NELFCD: variants seen among roughly 807,000 people sequenced by gnomAD.
The protein encoded by NELFCD is negative elongation factor complex member C/D.
In NELFCD, 48 loss-of-function variants were observed where a neutral mutation model predicts 72.9. The ratio of observed to expected loss-of-function variants is 0.66; its 90% CI spans 0.52 to 0.84. The LOEUF (loss-of-function observed/expected upper bound fraction) is 0.84, where lower values mean the gene tolerates loss of function less well. Among genes scored for constraint, NELFCD ranks in the 40% least tolerant of loss-of-function variants. NELFCD has a pLI of 0.00. For missense variants in NELFCD, 538 were observed against 723.8 expected, an observed-to-expected ratio of 0.74 and a Z score of 2.94; for synonymous variants, 297 against 280.6, an observed-to-expected ratio of 1.06 and a Z score of -0.59.
chr20:58,989,047 G>A lies in NELFCD; in HGVS notation c.504+26G>A, dbSNP rs1043950586. 1.1e-5 allele frequency: 16 copies of A among 1,517,456 alleles called. No homozygotes were observed. The East Asian group carries it at 1.1e-4, about 11-fold the overall frequency. 94.0% of individuals were successfully genotyped at this position (1,517,456 alleles called of 1,614,324 possible). ...GTAGGAAGAGTTCTAGAGTTAAGGA[G>A]AAAAGTGTTTATGAATGTTTATTTT... is the stretch of plus-strand genomic sequence containing the variant. On this transcript the variant is annotated intron_variant, in intron 5 of 14. Transcript: ENST00000652272.
chr20:58,989,135 G>A, intron 5 of NELFCD, 114 bp downstream of exon 5: 2 of 765,870 alleles, frequency 2.6e-6, no homozygotes, highest in Non-Finnish European at 4.3e-6. Context: ...GGTCTTTATT[G>A]TTTTATTTTC....
At chr20:58,982,419 A>G (rs1028696203) in intron 1 of NELFCD, among the ~76,000 whole-genome samples, 1 of 152,018 alleles carries the variant, frequency 6.6e-6, no homozygotes, top group African/African-American at 2.4e-5. Flanking sequence ...CTGCCTCCCA[A>G]AGTACTGGGA....
At chr20:58,989,791 T>A in intron 6 of NELFCD, 67 bp from the exon 7 acceptor site, 1 of 1,611,600 alleles carries the variant, frequency 6.2e-7, no homozygotes, top group Non-Finnish European at 8.5e-7. Flanking sequence ...GGTGGAGGCT[T>A]GGCTCTCGTC....
chr20:58,987,724 G>T lies in NELFCD; in HGVS notation c.303G>T (p.Gln101His), dbSNP rs781002424. 1.2e-6 allele frequency: 2 copies of T among 1,614,130 alleles called. No homozygotes were observed. Among genetic ancestry groups the T allele is most frequent in the South Asian group, 2.2e-5 (2 of 91,080 alleles). ...WLIQTGVEPV[Q>H]VQETVENHLK... The stretch of plus-strand genomic sequence containing the variant: ...CTCTTTCAGGTGTTGAGCCAGTGCA[G>T]GTTCAGGAAACTGTGGAAAATCACT... The change falls in exon 4 of 15, where the codon CAG (glutamine) becomes CAT (histidine). Residue 101 changes from glutamine (Q) to histidine (H), a missense_variant. Transcript: ENST00000652272.
At position 58,993,723 on chromosome 20, in the gene NELFCD, C is replaced by A; in HGVS notation, c.1540C>A (p.Leu514Met). The A allele has an allele frequency of 6.2e-7, 1 of 1,614,238 alleles. No individual in the cohort carries two copies. The highest frequency in any genetic ancestry group is 8.5e-7 in the Non-Finnish European group (1 of 1,180,044). Reference sequence around the variant, plus strand: ...TTACATCCGAAAGTGTCTGGAGAAGCTGGACACTGACATTTCACTCATTCG... The same window carrying A: ...TTACATCCGAAAGTGTCTGGAGAAGATGGACACTGACATTTCACTCATTCG... ...VSYIRKCLEK[L>M]DTDISLIRYF... Residue 514 changes from leucine to methionine, a missense_variant, in exon 13 of 15, where the codon CTG becomes ATG. Physicochemically the swap from Leu to Met is conservative, Grantham distance 15 (BLOSUM62 2). This residue lies in a region of NELFCD where 136 missense variants were observed against 154.0 expected (regional missense o/e 0.88). Transcript: ENST00000652272. The surrounding 1 kb of genome is among the most constrained non-coding windows in gnomAD (Gnocchi z 5.0).
Position 58,989,922 on chromosome 20 carries a change from A to T in NELFCD, c.722A>T (p.Gln241Leu), listed in dbSNP as rs896513202. The T allele has an allele frequency of 1.9e-6, 3 of 1,614,082 alleles. No homozygotes were observed. The highest frequency in any genetic ancestry group is 2.5e-6 in the Non-Finnish European group (3 of 1,180,054). The change falls in exon 7 of 15, where the codon CAG becomes CTG. Residue 241 changes from glutamine (Q) to leucine (L), a missense_variant. Gln to Leu is a moderately radical substitution (Grantham distance 113). Transcript: ENST00000652272. ...FAQAMMSVLA[Q>L]EEQGGSAVRR... The stretch of plus-strand genomic sequence containing the variant: ...CAGGCCATGATGTCCGTGCTGGCCC[A>T]GGAGGAGCAGGGGGGCTCCGCTGTG...
chr20:58,983,225 C>G (rs1426630007), intron 1 of NELFCD, among the ~76,000 whole-genome samples: 1 of 151,060 alleles, frequency 6.6e-6, no homozygotes, highest in African/African-American at 2.4e-5. Flanking sequence ...CAACTGCCAT[C>G]TCCTGGGTTC....
chr20:58,983,538 C>T (rs1362136935), intron 1 of NELFCD, among the ~76,000 whole-genome samples: 1 of 150,592 alleles, frequency 6.6e-6, no homozygotes, highest in East Asian at 2.0e-4. Flanking sequence ...CTCCTGGGTT[C>T]AAGTGATTCT....
chr20:58,988,376 T>C (rs1247302774), intron 4 of NELFCD, among the ~76,000 whole-genome samples: 1 of 152,238 alleles, frequency 6.6e-6, no homozygotes, highest in Non-Finnish European at 1.5e-5. Context: ...CCACGTCTCC[T>C]GGACAGGCCT....
chr20:58,986,193 T>G lies in NELFCD; in HGVS notation c.161T>G (p.Phe54Cys), dbSNP rs1460947420. The G allele has an allele frequency of 6.2e-7, 1 of 1,610,158 alleles. No individual in the cohort carries two copies. Among genetic ancestry groups the G allele is most frequent in the Non-Finnish European group, 8.5e-7 (1 of 1,176,400 alleles). ...TRDYIMEPSI[F>C]NTLKRYFQAG... ...GATTATATCATGGAACCCTCCATCT[T>G]CAACACTCTGAAGAGGTATGTGAGA... The change falls in exon 2 of 15, where the codon TTC becomes TGC. Residue 54 changes from phenylalanine (F) to cysteine (C), a missense_variant. This residue lies in a region of NELFCD where 355 missense variants were observed against 534.5 expected (regional missense o/e 0.66). Transcript: ENST00000652272. The surrounding 1 kb of genome is among the most constrained non-coding windows in gnomAD (Gnocchi z 4.4).
intron 3 of NELFCD, chr20:58,987,094 G>C: frequency 4.1e-6 from 2 of 486,138 alleles, no homozygotes; most frequent in Non-Finnish European, 7.2e-6. Context: ...CTGCAAACGT[G>C]ATTCTCATTG....
Position 58,994,933 on chromosome 20 carries a change from C to G in NELFCD, c.*257C>G. On this transcript the variant is annotated 3_prime_UTR_variant, in exon 15 of 15. Transcript: ENST00000652272. ...GTGTTCATTTCCCTCAAGGCAGGCG[C>G]TGGGCTCCCACGACCCCTCAGGACA... 2.0e-6 allele frequency: 1 copy of G among 498,690 alleles called. No homozygotes were observed. Among genetic ancestry groups the G allele is most frequent in the Admixed American group, 3.8e-5 (1 of 26,632 alleles). 30.9% of individuals were successfully genotyped at this position (498,690 alleles called of 1,614,324 possible). A position where few individuals can be genotyped will look rare whatever the true frequency, so the allele number is the denominator to read the frequency against.
At chr20:58,982,392 AGGTG>A (rs2091741845) in intron 1 of NELFCD, among the ~76,000 whole-genome samples, 1 of 152,068 alleles carries the variant, frequency 6.6e-6, no homozygotes, top group Admixed American at 6.5e-5. Context: ...TCTTGACCTC[AGGTG>A]ATCCACCCAC....
rs2091836972 is a variant in NELFCD at position 58,993,886 on chromosome 20, T to C, written c.1581+122T>C. The C allele has an allele frequency of 1.6e-6, 2 of 1,256,274 alleles. No individual in the cohort carries two copies. The highest frequency in any genetic ancestry group is 2.7e-5 in the South Asian group (2 of 73,442). 77.8% of individuals were successfully genotyped at this position (1,256,274 alleles called of 1,614,324 possible). A position where few individuals can be genotyped will look rare whatever the true frequency, so the allele number is the denominator to read the frequency against. The stretch of plus-strand genomic sequence containing the variant: ...GTGCTTTCTGATGTAGTGATGACAA[T>C]GACAGATACTCGTTTACCAAAAAGC... On this transcript the variant is annotated intron_variant, in intron 13 of 14. Transcript: ENST00000652272. This position sits in a 1 kb window ranked among gnomAD's most constrained non-coding sequence, Gnocchi z 5.0.
Position 58,986,154 on chromosome 20 carries a change from A to C in NELFCD, c.122A>C (p.Lys41Thr), listed in dbSNP as rs932619169. Reference sequence around the variant, plus strand: ...GAGGTTCAGCAAGAATGCCTGCATAAATTTTCCACCCGGGATTATATCATG... The same window carrying C: ...GAGGTTCAGCAAGAATGCCTGCATACATTTTCCACCCGGGATTATATCATG... ...DAEVQQECLH[K>T]FSTRDYIMEP... The change falls in exon 2 of 15, where the codon AAA becomes ACA. Residue 41 changes from lysine to threonine, a missense_variant. Coordinates refer to ENST00000652272, the MANE Select transcript of NELFCD (RefSeq NM_198976.4). This position sits in a 1 kb window ranked among gnomAD's most constrained non-coding sequence, Gnocchi z 4.4. The C allele has an allele frequency of 6.2e-7, 1 of 1,614,110 alleles. No homozygotes were observed. The highest frequency in any genetic ancestry group is 2.2e-5 in the East Asian group (1 of 44,880).
chr20:58,983,451 T>C (rs993875650), intron 1 of NELFCD, among the ~76,000 whole-genome samples: 4 of 150,530 alleles, frequency 2.7e-5, no homozygotes, highest in African/African-American at 9.8e-5. Context: ...TTTTTTTTTT[T>C]TTCTTTGAGA....
chr20:58,989,588 C>T lies in NELFCD; in HGVS notation c.605C>T (p.Thr202Ile), dbSNP rs773109521. The change falls in exon 6 of 15, where the codon ACA becomes ATA. Residue 202 changes from threonine to isoleucine, a missense_variant. Thr to Ile is a moderately conservative substitution (Grantham distance 89). Around this residue, in one of 3 missense-constraint regions of NELFCD, gnomAD observed 355 missense variants for 534.5 expected, o/e 0.66. Coordinates refer to ENST00000652272, the MANE Select transcript of NELFCD (RefSeq NM_198976.4). The part of the protein sequence containing the change: ...FSRVLRTSLA[T>I]ILDGGEENLE... ...AGAGTGCTCCGGACCTCTCTAGCTA[C>T]AATTTTAGATGGAGGAGAAGAAAAC... is the stretch of plus-strand genomic sequence containing the variant. The T allele has an allele frequency of 3.1e-6, 5 of 1,614,138 alleles. No individual in the cohort carries two copies. The highest frequency in any genetic ancestry group is 4.2e-6 in the Non-Finnish European group (5 of 1,180,020).
At position 58,993,690 on chromosome 20, in the gene NELFCD, G is replaced by A. The variant is rs1174019882; in HGVS notation, c.1507G>A (p.Val503Ile). 4 of 1,614,088 alleles carry A rather than the reference G, an allele frequency of 2.5e-6. No individual in the cohort carries two copies. The highest frequency in any genetic ancestry group is 2.5e-6 in the Non-Finnish European group (3 of 1,180,046). ...HLLSRGYVLPVVSYIRKCLEK... is the reference protein window; with the variant it reads ...HLLSRGYVLPIVSYIRKCLEK... ...GCTGAGTCGAGGTTATGTACTTCCT[G>A]TTGTCAGTTACATCCGAAAGTGTCT... Residue 503 changes from valine (V) to isoleucine (I), a missense_variant, in exon 13 of 15, where the codon GTT becomes ATT. This residue lies in a region of NELFCD where 136 missense variants were observed against 154.0 expected (regional missense o/e 0.88). Transcript: ENST00000652272. The surrounding 1 kb of genome is among the most constrained non-coding windows in gnomAD (Gnocchi z 5.0).
At chr20:58,983,028 C>T (rs1035630818) in intron 1 of NELFCD, among the ~76,000 whole-genome samples, 1 of 151,872 alleles carries the variant, frequency 6.6e-6, no homozygotes, top group Admixed American at 6.6e-5. Context: ...GCCTCCGTTG[C>T]CACTTCGTCA....
Sources: gnomAD v4.1 joint callset for allele counts (sites outside exome capture counted in the v4.1 genomes callset) on GRCh38, gnomAD v4.1.1 for gene constraint, gnomAD v4.1.1 regional missense constraint, Gnocchi (gnomAD v3.1) non-coding constraint, MANE v1.5 for transcripts, NCBI Gene and HGNC (gene_info 2026-07-23, HGNC 2026-07-21) for gene names.